PFKFB1: variants seen among roughly 807,000 people sequenced by gnomAD.
PFKFB1 encodes the protein 6-phosphofructo-2-kinase/fructose-2,6-biphosphatase 1, also known as 6-phosphofructo-2-kinase/fructose-2,6-bisphosphatase 1.
In PFKFB1, 34 loss-of-function variants were observed where a neutral mutation model predicts 46.4. The observed-to-expected ratio is 0.73, with a 90% confidence interval of 0.56 to 0.98. PFKFB1 has a LOEUF of 0.98. PFKFB1 is among the 50% of genes least tolerant of loss of function. PFKFB1 has a pLI of 0.00. For missense variants in PFKFB1, 393 were observed against 376.3 expected (o/e 1.04, Z -0.37); for synonymous variants, 119 against 133.8 (o/e 0.89, Z 0.76).
intron 1 of PFKFB1, among the ~76,000 whole-genome samples, chrX:54,976,391 T>C (rs6612249): frequency 0.039 from 4,330 of 111,309 alleles, 225 homozygotes; most frequent in African/African-American, 0.13. Context: ...ATATCAATCA[T>C]TGGGAAAATG....
Position 54,937,703 on chromosome X carries a change from G to A in PFKFB1, c.1120C>T (p.Arg374Cys). 24 of 1,207,582 alleles carry A rather than the reference G, an allele frequency of 2.0e-5. No homozygotes were observed. The highest frequency in any genetic ancestry group is 2.7e-5 in the Non-Finnish European group (24 of 892,081). The part of the protein sequence containing the change: ...KGESYEDLVQ[R>C]LEPVIMELER... ...AGCTCCATTATCACTGGCTCCAGAC[G>A]CTGAACCAGATCCTCATAGGACTAA... is the stretch of plus-strand genomic sequence containing the variant. The change falls in exon 11 of 14, where the codon CGT becomes TGT. Residue 374 changes from arginine to cysteine, a missense_variant. By Grantham distance (180) the Arg-to-Cys change is radical. Coordinates refer to ENST00000375006, the MANE Select transcript of PFKFB1 (RefSeq NM_002625.4).
intron 6 of PFKFB1, among the ~76,000 whole-genome samples, chrX:54,957,137 T>C (rs1239109458): frequency 8.9e-6 from 1 of 111,911 alleles, no homozygotes; most frequent in Non-Finnish European, 1.9e-5. Context: ...GGCTCCCTTA[T>C]TCCTCCACAC....
At chrX:54,938,464 G>A (rs963733003) in intron 10 of PFKFB1, among the ~76,000 whole-genome samples, 1 of 111,471 alleles carries the variant, frequency 9.0e-6, no homozygotes, top group Non-Finnish European at 1.9e-5. Flanking sequence ...TGGATAAAGA[G>A]TCAAGACCCA....
intron 10 of PFKFB1, among the ~76,000 whole-genome samples, chrX:54,939,505 T>C (rs753153510): frequency 4.5e-5 from 5 of 110,585 alleles, no homozygotes; most frequent in African/African-American, 1.6e-4. Flanking sequence ...GCAAGACTAA[T>C]AAAGAAGAAA....
chrX:54,934,899 C>T (rs1475782036), intron 12 of PFKFB1, 48 bp downstream of exon 12: 1 of 1,042,168 alleles, frequency 9.6e-7, no homozygotes, highest in African/African-American at 1.8e-5. Flanking sequence ...TAGGGCCATG[C>T]TCATAGCCTC....
intron 1 of PFKFB1, among the ~76,000 whole-genome samples, chrX:54,987,196 T>G (rs1935133221): frequency 9.0e-6 from 1 of 111,045 alleles, no homozygotes; most frequent in Non-Finnish European, 1.9e-5. Flanking sequence ...ATAAATGCCT[T>G]AGGTGAAATA....
chrX:54,937,459 A>C (rs1933440642), intron 11 of PFKFB1, 136 bp downstream of exon 11: 1 of 551,353 alleles, frequency 1.8e-6, no homozygotes. Flanking sequence ...CTAGTATGTG[A>C]AAGAGAAAGA....
chrX:54,951,931 A>G lies in PFKFB1; in HGVS notation c.820T>C (p.Ser274Pro). 1 of 1,204,574 alleles carries G rather than the reference A, an allele frequency of 8.3e-7. No homozygotes were observed. Among genetic ancestry groups the G allele is most frequent in the South Asian group, 1.8e-5 (1 of 55,640 alleles). Reference sequence around the variant, plus strand: ...TGCTTGCCGCGAACTGAGAGGCCAGAGTCACCTCCGATGCGGCCTCTGATG... The same window carrying G: ...TGCTTGCCGCGAACTGAGAGGCCAGGGTCACCTCCGATGCGGCCTCTGATG... Reference protein sequence around the residue: ...LNIRGRIGGDSGLSVRGKQYA... With the variant: ...LNIRGRIGGDPGLSVRGKQYA... Residue 274 changes from serine to proline, a missense_variant, in exon 8 of 14, where the codon TCT becomes CCT. By Grantham distance (74) the Ser-to-Pro change is moderately conservative. Coordinates refer to ENST00000375006, the MANE Select transcript of PFKFB1 (RefSeq NM_002625.4).
At position 54,951,755 on chromosome X, in the gene PFKFB1, T is replaced by G. The variant is rs187696244; in HGVS notation, c.846+150A>C. ...GGCGGCTGGGTCCAGACTGAGCAGC[T>G]GATGGGTGGAAGAGCAGGAGTGATG... On this transcript the variant is annotated intron_variant, in intron 8 of 13. Coordinates refer to ENST00000375006, the MANE Select transcript of PFKFB1 (RefSeq NM_002625.4). 21 of 496,741 alleles carry G rather than the reference T, an allele frequency of 4.2e-5. No individual in the cohort carries two copies. The East Asian group carries it at 7.7e-4, about 18-fold the overall frequency. 40.9% of individuals were successfully genotyped at this position (496,741 alleles called of 1,213,427 possible). A position where few individuals can be genotyped will look rare whatever the true frequency, so the allele number is the denominator to read the frequency against.
chrX:54,943,377 C>T (rs1188779317), intron 10 of PFKFB1, among the ~76,000 whole-genome samples: 2 of 111,668 alleles, frequency 1.8e-5, no homozygotes, highest in Non-Finnish European at 3.8e-5. Flanking sequence ...AGCCAAGCAT[C>T]ACTAGGATTG....
At chrX:54,940,207 ACT>A (rs1211317603) in intron 10 of PFKFB1, among the ~76,000 whole-genome samples, 1 of 111,446 alleles carries the variant, frequency 9.0e-6, no homozygotes, top group African/African-American at 3.3e-5. Flanking sequence ...CATGCTAAAA[ACT>A]CTCAATAAAT....
intron 1 of PFKFB1, among the ~76,000 whole-genome samples, chrX:54,966,897 T>C (rs890437901): frequency 9.8e-5 from 11 of 111,733 alleles, no homozygotes; most frequent in African/African-American, 3.6e-4. Context: ...CAGTGTAAAG[T>C]TGATTTGAAC....
At chrX:54,974,853 A>C (rs1395460492) in intron 1 of PFKFB1, among the ~76,000 whole-genome samples, 1 of 111,989 alleles carries the variant, frequency 8.9e-6, no homozygotes, top group Non-Finnish European at 1.9e-5. Context: ...ACATGAAAAA[A>C]TGCTCAACAT....
upstream of PFKFB1, chrX:54,998,389 C>T: frequency 8.7e-7 from 1 of 1,143,304 alleles, no homozygotes; most frequent in East Asian, 3.3e-5. Flanking sequence ...GCCTACTTTC[C>T]CTTCTTTCTC....
Position 54,945,566 on chromosome X carries a change from G to A in PFKFB1, c.994-23C>T, listed in dbSNP as rs371335053. 7.3e-5 allele frequency: 70 copies of A among 955,920 alleles called. No homozygotes were observed. In the African/African-American group the frequency reaches 1.1e-3, roughly 14 times the overall value. 78.8% of individuals were successfully genotyped at this position (955,920 alleles called of 1,213,427 possible). On this transcript the variant is annotated intron_variant, in intron 9 of 13. Coordinates refer to ENST00000375006, the MANE Select transcript of PFKFB1 (RefSeq NM_002625.4). ...ACCCTGAGAAAAAGTATTTGGGGGC[G>A]AAAGTATTCACAAGATGAAATTCCA... is the stretch of plus-strand genomic sequence containing the variant.
chrX:54,938,594 C>A (rs1933494192), intron 10 of PFKFB1, among the ~76,000 whole-genome samples: 1 of 111,181 alleles, frequency 9.0e-6, no homozygotes, highest in African/African-American at 3.3e-5. Flanking sequence ...GGGTTGCAAT[C>A]CTAGTCTCTG....
chrX:54,934,952 G>A lies in PFKFB1; in HGVS notation c.1286C>T (p.Ala429Val), dbSNP rs1933335974. 1 of 1,200,757 alleles carries A rather than the reference G, an allele frequency of 8.3e-7. No homozygotes were observed. The highest frequency in any genetic ancestry group is 1.8e-5 in the African/African-American group (1 of 57,142). Residue 429 changes from alanine (A) to valine (V), a missense_variant, in exon 12 of 14, where the codon GCT becomes GTT. Transcript: ENST00000375006. ...ATCAGGGTGGGAGTACTTACCATAA[G>A]CCACAGGAGTGAGTTTGAGCACTGT... Reference protein sequence around the residue: ...LHTVLKLTPVAYGCKVESIYL... With the variant: ...LHTVLKLTPVVYGCKVESIYL...
intron 10 of PFKFB1, among the ~76,000 whole-genome samples, chrX:54,944,184 G>A (rs1933737077): frequency 9.0e-6 from 1 of 111,491 alleles, no homozygotes; most frequent in Non-Finnish European, 1.9e-5. Context: ...CATCCTTATT[G>A]AGATATCAAC....
Position 54,956,192 on chromosome X carries a change from T to C in PFKFB1, c.599A>G (p.Tyr200Cys), listed in dbSNP as rs780499830. The part of the protein sequence containing the change: ...LEDFLKRIEC[Y>C]EVNYQPLDEE... ...ATCCAAGGGTTGGTAGTTGACCTCA[T>C]AGCACTCAATTCTCTTTAGAAAGTC... The change falls in exon 7 of 14, where the codon TAT (tyrosine) becomes TGT (cysteine). Residue 200 changes from tyrosine (Y) to cysteine (C), a missense_variant. Transcript: ENST00000375006. 1.2e-5 allele frequency: 15 copies of C among 1,209,001 alleles called. No homozygotes were observed. The highest frequency in any genetic ancestry group is 1.1e-4 in the Admixed American group (5 of 45,805).
Sources: gnomAD v4.1 joint callset for allele counts (sites outside exome capture counted in the v4.1 genomes callset) on GRCh38, gnomAD v4.1.1 for gene constraint, MANE v1.5 for transcripts, NCBI Gene and HGNC (gene_info 2026-07-23, HGNC 2026-07-21) for gene names.